Variants in CEP85L observed in about 807,000 individuals in gnomAD.
The protein encoded by CEP85L is centrosomal protein of 85 kDa-like.
A neutral mutation model predicts 100.3 loss-of-function variants in CEP85L; 60 were observed. The ratio of observed to expected loss-of-function variants is 0.60; its 90% CI spans 0.49 to 0.74. CEP85L has a LOEUF of 0.74. CEP85L is among the 30% of genes least tolerant of loss of function. CEP85L has a pLI of 0.00. For synonymous variants in CEP85L, 319 were observed against 322.7 expected, an observed-to-expected ratio of 0.99 and a Z score of 0.12; for missense variants, 973 against 936.2, an observed-to-expected ratio of 1.04 and a Z score of -0.51.
At position 118,536,196 on chromosome 6, in the gene CEP85L, ATAGAT is replaced by A. The variant is rs567325605; in HGVS notation, c.1021-12281_1021-12277del. 4.6e-5 allele frequency among the ~76,000 whole-genome samples: 7 copies of A among 152,328 alleles called. No homozygotes were observed. The South Asian group carries it at 1.4e-3, about 32-fold the overall frequency. On this transcript the variant is annotated intron_variant, in intron 3 of 12. Coordinates refer to ENST00000368491, the MANE Select transcript of CEP85L (RefSeq NM_001042475.3). Reference sequence around the variant, plus strand: ...CAGAACTACTATTATACAAAACAACATAGATTAAATTCAGAGACATTATGCTAAAC... The same window carrying A: ...CAGAACTACTATTATACAAAACAACATAAATTCAGAGACATTATGCTAAAC...
chr6:118,640,252 C>T (rs12200232), intron 1 of CEP85L, among the ~76,000 whole-genome samples: 15,413 of 152,158 alleles, frequency 0.1, 942 homozygotes, highest in African/African-American at 0.16. Context: ...CCCAATCCTC[C>T]ACTCCATTTC....
At position 118,529,370 on chromosome 6, in the gene CEP85L, G is replaced by A. The variant is rs189863590; in HGVS notation, c.1021-5450C>T. Among the ~76,000 whole-genome samples, 660 of 152,184 alleles carry A rather than the reference G, an allele frequency of 4.3e-3. 7 individuals carry two copies. The highest frequency in any genetic ancestry group is 0.015 in the African/African-American group (639 of 41,524). On this transcript the variant is annotated intron_variant, in intron 3 of 12. Coordinates refer to ENST00000368491, the MANE Select transcript of CEP85L (RefSeq NM_001042475.3). ...TGCCTGTAATCCCAGCACTTTGGGA[G>A]GCCAAGGTGGGTGGATCACAAGGTC...
intron 2 of CEP85L, among the ~76,000 whole-genome samples, chr6:118,620,044 G>C (rs1429899095): frequency 6.6e-6 from 1 of 152,196 alleles, no homozygotes; most frequent in Non-Finnish European, 1.5e-5. Context: ...TTAAGAAGAA[G>C]TAGGAAGAAG....
intron 10 of CEP85L, 44 bp downstream of exon 10, chr6:118,479,827 A>G: frequency 1.0e-6 from 1 of 994,168 alleles, no homozygotes. Context: ...TTAAGAGTAT[A>G]TCAGAATATA....
chr6:118,571,629 A>T (rs940175442), intron 2 of CEP85L, among the ~76,000 whole-genome samples: 1 of 152,136 alleles, frequency 6.6e-6, no homozygotes, highest in Non-Finnish European at 1.5e-5. Context: ...TCTGATAGTA[A>T]TAAGGAATTA....
At chr6:118,622,976 G>A (rs1220286710) in intron 2 of CEP85L, among the ~76,000 whole-genome samples, 1 of 152,204 alleles carries the variant, frequency 6.6e-6, no homozygotes, top group Non-Finnish European at 1.5e-5. Context: ...GAAACAGAAT[G>A]GGGACTCTCA....
intron 1 of CEP85L, among the ~76,000 whole-genome samples, chr6:118,700,880 G>A (rs1035316120): frequency 2.0e-5 from 3 of 152,184 alleles, no homozygotes; most frequent in Non-Finnish European, 4.4e-5. Flanking sequence ...AGGATTCTGA[G>A]GCAAGGTGGG....
rs1287546467 is a variant in CEP85L, at chr6:118,526,756, A to T, written c.1021-2836T>A. On this transcript the variant is annotated intron_variant, in intron 3 of 12. Transcript: ENST00000368491. ...GCTAATCATAATACATTAGAATACT[A>T]AAGTAAACTCCCACCAGTGCCATAA... Among the ~76,000 whole-genome samples, 4 of 152,178 alleles carry T rather than the reference A, an allele frequency of 2.6e-5. No homozygotes were observed. In the East Asian group the frequency reaches 7.7e-4, roughly 29 times the overall value.
chr6:118,691,483 A>G (rs1777041577), intron 1 of CEP85L, among the ~76,000 whole-genome samples: 1 of 151,390 alleles, frequency 6.6e-6, no homozygotes, highest in South Asian at 2.1e-4. Context: ...CAGTGAGCCA[A>G]GATCGCAGCA....
intron 5 of CEP85L, among the ~76,000 whole-genome samples, chr6:118,498,708 T>A (rs965273340): frequency 2.6e-5 from 4 of 151,670 alleles, no homozygotes; most frequent in African/African-American, 4.8e-5. Context: ...ATGGACAGTT[T>A]CAACAGGCAG....
chr6:118,558,919 A>G, intron 3 of CEP85L: 5 of 1,613,244 alleles, frequency 3.1e-6, no homozygotes, highest in Non-Finnish European at 4.2e-6. Flanking sequence ...TCCTGCTGGT[A>G]TCATGGAGAA....
At chr6:118,685,166 T>G (rs1333859580) in intron 1 of CEP85L, among the ~76,000 whole-genome samples, 1 of 152,218 alleles carries the variant, frequency 6.6e-6, no homozygotes, top group Non-Finnish European at 1.5e-5. Flanking sequence ...ATTGTCCTTT[T>G]GTTTTTAAGA....
At chr6:118,496,600 A>T (rs1353250718) in intron 5 of CEP85L, among the ~76,000 whole-genome samples, 1 of 151,858 alleles carries the variant, frequency 6.6e-6, no homozygotes, top group East Asian at 1.9e-4. Flanking sequence ...TGATCCACCC[A>T]CCTCGGCCTC....
At chr6:118,599,403 A>G (rs1333916602) in intron 2 of CEP85L, among the ~76,000 whole-genome samples, 1 of 152,234 alleles carries the variant, frequency 6.6e-6, no homozygotes, top group Non-Finnish European at 1.5e-5. Flanking sequence ...AATCAAAAAT[A>G]TAAAACAAAT....
In CEP85L at chr6:118,559,357, A is replaced by G. The variant is rs768837853; in HGVS notation, c.1020+6172T>C. On this transcript the variant is annotated intron_variant, in intron 3 of 12. Coordinates refer to ENST00000368491, the MANE Select transcript of CEP85L (RefSeq NM_001042475.3). ...TCCTCAACATGGCTCACAAATTTCTATCCCAAATCTTTTCTGAAGATGAAG... is the reference window on the plus strand; with the variant it reads ...TCCTCAACATGGCTCACAAATTTCTGTCCCAAATCTTTTCTGAAGATGAAG... 2.2e-4 allele frequency: 93 copies of G among 418,944 alleles called. No individual in the cohort carries two copies. In the Middle Eastern group the frequency reaches 2.2e-3, roughly 10 times the overall value. 26.0% of individuals were successfully genotyped at this position (418,944 alleles called of 1,614,324 possible). A position where few individuals can be genotyped will look rare whatever the true frequency, so the allele number is the denominator to read the frequency against.
intron 1 of CEP85L, among the ~76,000 whole-genome samples, chr6:118,646,444 G>A (rs1013988072): frequency 3.3e-5 from 5 of 151,828 alleles, no homozygotes; most frequent in Admixed American, 6.6e-5. Flanking sequence ...CAAGGCAGGC[G>A]GATCACTTGA....
At chr6:118,534,008 T>C (rs980374210) in intron 3 of CEP85L, among the ~76,000 whole-genome samples, 4 of 152,082 alleles carry the variant, frequency 2.6e-5, no homozygotes, top group African/African-American at 9.7e-5. Context: ...GGCAGGAGAA[T>C]GGCTTGAACC....
At chr6:118,479,021 T>C (rs1358709377) in intron 10 of CEP85L, among the ~76,000 whole-genome samples, 1 of 152,176 alleles carries the variant, frequency 6.6e-6, no homozygotes, top group Non-Finnish European at 1.5e-5. Flanking sequence ...CCAAGTGAAA[T>C]GGAAATTCCT....
chr6:118,642,812 A>T (rs544111457), intron 1 of CEP85L, among the ~76,000 whole-genome samples: 1 of 152,256 alleles, frequency 6.6e-6, no homozygotes, highest in South Asian at 2.1e-4. Context: ...AATCCCAGCT[A>T]CTTGGGAGGC....
Sources: allele counts gnomAD v4.1 joint callset (sites outside exome capture counted in the v4.1 genomes callset), GRCh38; gene constraint gnomAD v4.1.1; transcripts MANE v1.5; gene names NCBI Gene and HGNC (gene_info 2026-07-23, HGNC 2026-07-21).